Variants in ZNF695 observed in about 807,000 individuals in gnomAD.
The protein encoded by ZNF695 is zinc finger protein SBZF3.
Under a neutral mutation model 11.2 loss-of-function variants are expected in ZNF695, and 11 were observed. The observed-to-expected ratio is 0.98, with a 90% confidence interval of 0.62 to 1.62. The LOEUF (loss-of-function observed/expected upper bound fraction) is 1.62, where lower values mean the gene tolerates loss of function less well. Ranked by LOEUF, ZNF695 falls within the 40% of genes most tolerant of loss-of-function variation. The pLI is 0.00. For missense variants in ZNF695, 559 were observed against 590.5 expected, an observed-to-expected ratio of 0.95 and a Z score of 0.55; for synonymous variants, 190 against 201.4, an observed-to-expected ratio of 0.94 and a Z score of 0.48.
chr1:246,998,946 C>T (rs995806223), intron 3 of ZNF695, among the ~76,000 whole-genome samples: 2 of 149,666 alleles, frequency 1.3e-5, no homozygotes, highest in Non-Finnish European at 3.0e-5. Context: ...CCAGCCTGGG[C>T]GACAGAACGA....
Position 246,986,623 on chromosome 1 carries a change from AT to A in ZNF695, c.*343del. 1 of 1,017,866 alleles carries A rather than the reference AT, an allele frequency of 9.8e-7. No homozygotes were observed. Among genetic ancestry groups the A allele is most frequent in the Admixed American group, 5.4e-5 (1 of 18,362 alleles). 63.1% of individuals were successfully genotyped at this position (1,017,866 alleles called of 1,614,324 possible). On this transcript the variant is annotated 3_prime_UTR_variant, in exon 4 of 4. Coordinates refer to ENST00000339986, the MANE Select transcript of ZNF695 (RefSeq NM_020394.5). ...AACACTCTGGTGTTTTCTGAGGTAT[AT>A]TTTTTGAACAAATGTTGTTTCTGCA...
chr1:246,962,935 C>T (rs1238531102), intron 5 of ZNF695, among the ~76,000 whole-genome samples: 1 of 152,134 alleles, frequency 6.6e-6, no homozygotes, highest in Non-Finnish European at 1.5e-5. Context: ...TCTGGGCCTC[C>T]CAAAGTGCTG....
downstream of ZNF695, among the ~76,000 whole-genome samples, chr1:246,984,488 T>C (rs944232656): frequency 2.3e-4 from 35 of 152,184 alleles, no homozygotes; most frequent in African/African-American, 7.2e-4. Flanking sequence ...TCCAATCTCT[T>C]ACCTGGAGCC....
At chr1:246,990,508 A>G (rs144948144) in intron 3 of ZNF695, among the ~76,000 whole-genome samples, 49 of 152,370 alleles carry the variant, frequency 3.2e-4, no homozygotes, top group African/African-American at 1.1e-3. Flanking sequence ...GCCCCAGTAC[A>G]GTAACCGCTA....
chr1:247,007,777 G>C (rs1572540451), intron 1 of ZNF695, 129 bp downstream of exon 1: 1 of 1,088,336 alleles, frequency 9.2e-7, no homozygotes, highest in Non-Finnish European at 1.2e-6. Flanking sequence ...CTGCGCCAGC[G>C]GGACTCGGCC....
At chr1:246,991,719 C>T (rs1669039681) in intron 3 of ZNF695, among the ~76,000 whole-genome samples, 1 of 152,054 alleles carries the variant, frequency 6.6e-6, no homozygotes, top group Admixed American at 6.6e-5. Flanking sequence ...GGAGGTTTCT[C>T]AAAACACTAA....
chr1:247,006,144 G>C (rs1669527016), intron 1 of ZNF695, among the ~76,000 whole-genome samples: 1 of 151,024 alleles, frequency 6.6e-6, no homozygotes, highest in South Asian at 2.1e-4. Flanking sequence ...AGTATCGCTT[G>C]AACCCGGGAG....
intron 5 of ZNF695, among the ~76,000 whole-genome samples, chr1:246,956,666 T>C (rs1178924120): frequency 6.6e-6 from 1 of 152,174 alleles, no homozygotes; most frequent in East Asian, 1.9e-4. Context: ...TAATATTGAA[T>C]TGCCCATTCT....
chr1:246,978,073 G>A lies in ZNF695; in HGVS notation c.390+10052C>T, dbSNP rs554321835. Among the ~76,000 whole-genome samples the A allele has an allele frequency of 9.2e-5, 14 of 152,244 alleles. 1 individual carries two copies. The South Asian group carries it at 1.9e-3, about 20-fold the overall frequency. On this transcript the variant is annotated intron_variant, in intron 4 of 5. Coordinates refer to the ZNF695 transcript ENST00000487338. Reference sequence around the variant, plus strand: ...CTCATGGAGCAGAACACTATCACTCGGCCACCAATGTAAGCAGAAACATTT... The same window carrying A: ...CTCATGGAGCAGAACACTATCACTCAGCCACCAATGTAAGCAGAAACATTT...
rs563859309 is a variant in ZNF695, at chr1:246,985,901, T to C, written c.*1066A>G. The C allele has an allele frequency of 3.0e-6, 3 of 985,344 alleles. No individual in the cohort carries two copies. The highest frequency in any genetic ancestry group is 1.7e-5 in the African/African-American group (1 of 57,320). The allele number at this position is 985,344 out of a possible 1,614,324, so 61.0% of individuals were successfully genotyped here. A position where few individuals can be genotyped will look rare whatever the true frequency, so the allele number is the denominator to read the frequency against. On this transcript the variant is annotated 3_prime_UTR_variant, in exon 4 of 4. Coordinates refer to ENST00000339986, the MANE Select transcript of ZNF695 (RefSeq NM_020394.5). ...GATATGAACAACACCCACCCGAATA[T>C]AGAAGAAACTCTCACAGCTTTCATG... is the stretch of plus-strand genomic sequence containing the variant.
intron 3 of ZNF695, chr1:246,996,011 C>G: frequency 2.2e-6 from 1 of 453,164 alleles, no homozygotes; most frequent in Non-Finnish European, 4.4e-6. Context: ...GGAAAACAAC[C>G]CAAACTTACC....
At chr1:246,988,802 G>T (rs1437499401) in intron 3 of ZNF695, among the ~76,000 whole-genome samples, 1 of 152,076 alleles carries the variant, frequency 6.6e-6, no homozygotes, top group Non-Finnish European at 1.5e-5. Context: ...CTAAAAATAT[G>T]ACATTAGGCC....
chr1:246,959,864 AGGC>A lies in ZNF695; in HGVS notation c.488+7828_488+7830del, dbSNP rs559590882. Among the ~76,000 whole-genome samples, 34 of 152,314 alleles carry A rather than the reference AGGC, an allele frequency of 2.2e-4. 1 individual carries two copies. The South Asian group carries it at 6.8e-3, about 31-fold the overall frequency. On this transcript the variant is annotated intron_variant, in intron 5 of 5. Coordinates refer to the ZNF695 transcript ENST00000487338. ...CCCTCTCCGTGGCGGTTCTGAAGAT[AGGC>A]GGTGAAAGTGGACTGTTCCTCAGAA... is the stretch of plus-strand genomic sequence containing the variant.
intron 5 of ZNF695, among the ~76,000 whole-genome samples, chr1:246,963,531 A>G (rs1209367117): frequency 1.3e-5 from 2 of 152,218 alleles, no homozygotes; most frequent in African/African-American, 4.8e-5. Flanking sequence ...GAAGCGAACA[A>G]ACAAGTAAAT....
chr1:246,976,656 T>A (rs1005425930), intron 4 of ZNF695, among the ~76,000 whole-genome samples: 1 of 151,820 alleles, frequency 6.6e-6, no homozygotes, highest in African/African-American at 2.4e-5. Context: ...TAGCCAGGCA[T>A]GGTGGCGGGC....
At chr1:246,973,988 T>C (rs2103014141) in intron 4 of ZNF695, among the ~76,000 whole-genome samples, 1 of 152,310 alleles carries the variant, frequency 6.6e-6, no homozygotes, top group Admixed American at 6.5e-5. Flanking sequence ...GGTTTCCTTC[T>C]TCCTGGAGAT....
chr1:246,999,859 A>G (rs1669311896), intron 2 of ZNF695, 53 bp downstream of exon 2: 2 of 1,572,688 alleles, frequency 1.3e-6, no homozygotes, highest in East Asian at 4.5e-5. Context: ...TCATTCATGC[A>G]AATCAGAAAC....
Position 247,007,996 on chromosome 1 carries a change from C to G in ZNF695, c.-88G>C, listed in dbSNP as rs568259160. The G allele has an allele frequency of 1.2e-5, 17 of 1,374,260 alleles. No homozygotes were observed. Among genetic ancestry groups the G allele is most frequent in the East Asian group, 2.7e-5 (1 of 36,512 alleles). The allele number at this position is 1,374,260 out of a possible 1,614,324, so 85.1% of individuals were successfully genotyped here. On this transcript the variant is annotated 5_prime_UTR_variant, in exon 1 of 4. Coordinates refer to ENST00000339986, the MANE Select transcript of ZNF695 (RefSeq NM_020394.5). ...GGCGATGGAGCCTGCGGCAGTCACCCGGGACTCTCCGAGAGGCAGCAGACG... is the reference window on the plus strand; with the variant it reads ...GGCGATGGAGCCTGCGGCAGTCACCGGGGACTCTCCGAGAGGCAGCAGACG...
intron 5 of ZNF695, among the ~76,000 whole-genome samples, chr1:246,963,454 G>A (rs56405531): frequency 0.1 from 15,810 of 152,170 alleles, 1,714 homozygotes; most frequent in African/African-American, 0.28. Context: ...TAAAAAACAG[G>A]CAAACTTCCT....
Sources: gnomAD v4.1 joint callset for allele counts (sites outside exome capture counted in the v4.1 genomes callset) on GRCh38, gnomAD v4.1.1 for gene constraint, MANE v1.5 for transcripts, NCBI Gene and HGNC (gene_info 2026-07-23, HGNC 2026-07-21) for gene names.